PDCD1LG2: variants seen among roughly 807,000 people sequenced by gnomAD.
PDCD1LG2 encodes the protein B7 dendritic cell molecule.
A neutral mutation model predicts 28.2 loss-of-function variants in PDCD1LG2; 32 were observed. That is an observed-to-expected ratio of 1.13 (90% CI 0.86 to 1.52). The LOEUF (loss-of-function observed/expected upper bound fraction) is 1.52, where lower values mean the gene tolerates loss of function less well. PDCD1LG2 is among the 40% of genes most tolerant of loss of function. The pLI is 0.00. For synonymous variants in PDCD1LG2, 116 were observed against 120.2 expected, an observed-to-expected ratio of 0.97 and a Z score of 0.23; for missense variants, 385 against 323.8, an observed-to-expected ratio of 1.19 and a Z score of -1.45.
chr9:5,524,927 C>T (rs1273911939), intron 2 of PDCD1LG2, among the ~76,000 whole-genome samples: 2 of 152,214 alleles, frequency 1.3e-5, no homozygotes, highest in East Asian at 3.8e-4. Context: ...ATTACATTTT[C>T]TTCCTTGCTC....
At chr9:5,549,021 A>G (rs778909956) in intron 3 of PDCD1LG2, among the ~76,000 whole-genome samples, 3 of 152,202 alleles carry the variant, frequency 2.0e-5, no homozygotes, top group East Asian at 1.9e-4. Flanking sequence ...CAGAATTCCA[A>G]TGTTCAAATA....
chr9:5,547,064 G>A (rs1586811431), intron 3 of PDCD1LG2, among the ~76,000 whole-genome samples: 1 of 152,318 alleles, frequency 6.6e-6, no homozygotes, highest in Middle Eastern at 3.4e-3. Context: ...AAATTGTGAA[G>A]AACGGCATGA....
chr9:5,567,186 C>G (rs975769049), intron 6 of PDCD1LG2, among the ~76,000 whole-genome samples: 3 of 152,174 alleles, frequency 2.0e-5, no homozygotes, highest in Non-Finnish European at 4.4e-5. Flanking sequence ...AAGGGCGATG[C>G]TATACCTTCT....
In PDCD1LG2 at chr9:5,569,912, C is replaced by T. The variant is rs768647060; in HGVS notation, c.817-42C>T. On this transcript the variant is annotated intron_variant, in intron 6 of 6. Coordinates refer to ENST00000397747, the MANE Select transcript of PDCD1LG2 (RefSeq NM_025239.4). This position sits in a 1 kb window ranked among gnomAD's most constrained non-coding sequence, Gnocchi z 4.1. ...TTGGGGAGGTTATATATTTTCTAAT[C>T]ATAAAAAATGATTTTTCTTATTTGT... 6.2e-7 allele frequency: 1 copy of T among 1,605,208 alleles called. No individual in the cohort carries two copies. The highest frequency in any genetic ancestry group is 8.5e-7 in the Non-Finnish European group (1 of 1,172,996).
chr9:5,516,908 G>A (rs1169029288), intron 1 of PDCD1LG2, among the ~76,000 whole-genome samples: 2 of 152,192 alleles, frequency 1.3e-5, no homozygotes, highest in Non-Finnish European at 2.9e-5. Context: ...AGAGATGCCT[G>A]GGTCCAGAGC....
rs1001550591 is a variant in PDCD1LG2 at position 5,545,679 on chromosome 9, A to G, written c.362-3656A>G. On this transcript the variant is annotated intron_variant, in intron 3 of 6. Transcript: ENST00000397747. ...GAGAACCAGTCAAATCCACAATTAC[A>G]TTTGAGATTTCAACTCATCTCTATT... Among the ~76,000 whole-genome samples the G allele has an allele frequency of 3.3e-5, 5 of 152,236 alleles. No individual in the cohort carries two copies. In the East Asian group the frequency reaches 9.6e-4, roughly 29 times the overall value.
rs780434650 is a variant in PDCD1LG2 at position 5,569,907 on chromosome 9, C to A, written c.817-47C>A. The A allele has an allele frequency of 3.1e-6, 5 of 1,599,384 alleles. No homozygotes were observed. The highest frequency in any genetic ancestry group is 3.4e-6 in the Non-Finnish European group (4 of 1,168,118). On this transcript the variant is annotated intron_variant, in intron 6 of 6. Transcript: ENST00000397747. This position sits in a 1 kb window ranked among gnomAD's most constrained non-coding sequence, Gnocchi z 4.1. ...AAATTTTGGGGAGGTTATATATTTT[C>A]TAATCATAAAAAATGATTTTTCTTA...
At chr9:5,552,050 G>T (rs112185047) in intron 4 of PDCD1LG2, among the ~76,000 whole-genome samples, 2 of 152,294 alleles carry the variant, frequency 1.3e-5, no homozygotes, top group African/African-American at 4.8e-5. Flanking sequence ...CTGATAGGGT[G>T]ACCCAGACTT....
intron 1 of PDCD1LG2, among the ~76,000 whole-genome samples, chr9:5,520,368 G>A (rs1294944917): frequency 3.9e-5 from 6 of 152,174 alleles, no homozygotes; most frequent in African/African-American, 1.4e-4. Flanking sequence ...AAATTGTACA[G>A]GCACAACTGA....
chr9:5,570,663 C>A lies in PDCD1LG2; in HGVS notation c.*704C>A, dbSNP rs1419453012. 3 of 231,486 alleles carry A rather than the reference C, an allele frequency of 1.3e-5. No homozygotes were observed. Among genetic ancestry groups the A allele is most frequent in the Non-Finnish European group, 2.6e-5 (3 of 117,056 alleles). 14.3% of individuals were successfully genotyped at this position (231,486 alleles called of 1,614,324 possible). A position where few individuals can be genotyped will look rare whatever the true frequency, so the allele number is the denominator to read the frequency against. ...TGGTGGTTTTTTTTTTGAACTACATCTTTCCTTTAAAAATTATTGGTTTCT... is the reference window on the plus strand; with the variant it reads ...TGGTGGTTTTTTTTTTGAACTACATATTTCCTTTAAAAATTATTGGTTTCT... On this transcript the variant is annotated 3_prime_UTR_variant, in exon 7 of 7. Transcript: ENST00000397747.
chr9:5,550,025 A>C (rs1008423739), intron 4 of PDCD1LG2, among the ~76,000 whole-genome samples: 3 of 152,252 alleles, frequency 2.0e-5, no homozygotes, highest in African/African-American at 7.2e-5. Flanking sequence ...ATTCCATAAA[A>C]GTCAACTTCT....
At chr9:5,514,925 T>C (rs1045993537) in intron 1 of PDCD1LG2, among the ~76,000 whole-genome samples, 3 of 152,162 alleles carry the variant, frequency 2.0e-5, no homozygotes, top group African/African-American at 7.2e-5. Flanking sequence ...GAGGTAGCCC[T>C]GAGTGAGTCT....
chr9:5,542,436 A>G (rs574932614), intron 3 of PDCD1LG2, among the ~76,000 whole-genome samples: 1 of 152,366 alleles, frequency 6.6e-6, no homozygotes, highest in South Asian at 2.1e-4. Context: ...CAATCTATAC[A>G]TCTGACAAAG....
intron 2 of PDCD1LG2, among the ~76,000 whole-genome samples, chr9:5,523,427 C>T (rs1820314726): frequency 1.3e-5 from 2 of 152,198 alleles, no homozygotes; most frequent in South Asian, 2.1e-4. Flanking sequence ...GCTCCCTTGG[C>T]ACTTGATAAC....
At chr9:5,528,507 G>A (rs2129759423) in intron 2 of PDCD1LG2, among the ~76,000 whole-genome samples, 1 of 150,112 alleles carries the variant, frequency 6.7e-6, no homozygotes, top group East Asian at 2.0e-4. Flanking sequence ...GTCTCCTTGT[G>A]TTTCCCAGGC....
At chr9:5,522,136 C>T (rs1352277257) in intron 1 of PDCD1LG2, among the ~76,000 whole-genome samples, 3 of 152,112 alleles carry the variant, frequency 2.0e-5, no homozygotes, top group Non-Finnish European at 4.4e-5. Context: ...CCCAGACATC[C>T]AGTCCAGGTA....
chr9:5,557,882 C>A (rs1816478496), intron 5 of PDCD1LG2, 130 bp downstream of exon 5: 4 of 1,147,562 alleles, frequency 3.5e-6, no homozygotes, highest in Non-Finnish European at 5.0e-6. Context: ...CCACTTTGAG[C>A]TTGTCTTGAT....
intron 1 of PDCD1LG2, among the ~76,000 whole-genome samples, chr9:5,513,656 G>C (rs1046997765): frequency 6.6e-6 from 1 of 152,190 alleles, no homozygotes; most frequent in African/African-American, 2.4e-5. Context: ...AAATTGAGTA[G>C]AATAGCATCT....
chr9:5,527,301 A>G (rs1466196262), intron 2 of PDCD1LG2, among the ~76,000 whole-genome samples: 2 of 152,204 alleles, frequency 1.3e-5, no homozygotes, highest in East Asian at 3.8e-4. Flanking sequence ...CAAACAAACA[A>G]ACAAACAAAA....
Sources: gnomAD v4.1 joint callset for allele counts (sites outside exome capture counted in the v4.1 genomes callset) on GRCh38, gnomAD v4.1.1 for gene constraint, Gnocchi (gnomAD v3.1) non-coding constraint, MANE v1.5 for transcripts, NCBI Gene and HGNC (gene_info 2026-07-23, HGNC 2026-07-21) for gene names.